TRANK1: variants seen among roughly 807,000 people sequenced by gnomAD.
The protein encoded by TRANK1 is tetratricopeptide repeat and ankyrin repeat containing 1.
TRANK1 carries 198 observed loss-of-function variants against 266.0 expected under a neutral mutation model. That is an observed-to-expected ratio of 0.74 (90% confidence interval 0.66 to 0.84). The LOEUF is 0.84. Among genes scored for constraint, TRANK1 ranks in the 40% least tolerant of loss-of-function variants. TRANK1 has a pLI of 0.00. For synonymous variants in TRANK1, 1,396 were observed against 1,384.1 expected, an observed-to-expected ratio of 1.01 and a Z score of -0.19; for missense variants, 3,326 against 3,634.6, an observed-to-expected ratio of 0.92 and a Z score of 2.18.
At chr3:36,889,783 A>G in intron 8 of TRANK1, 46 bp downstream of exon 8, 1 of 1,497,276 alleles carries the variant, frequency 6.7e-7, no homozygotes, top group South Asian at 1.3e-5. Flanking sequence ...TCAAAGCCTG[A>G]CACCAGCCAG....
At chr3:36,828,739 A>G (rs11129735) in intron 23 of TRANK1, among the ~76,000 whole-genome samples, 80,759 of 152,012 alleles carry the variant, frequency 0.53, 21,662 homozygotes, top group Admixed American at 0.6. Context: ...TTAAATAACA[A>G]AGAAATCAAG....
chr3:36,875,317 C>G (rs1306917861), intron 8 of TRANK1, among the ~76,000 whole-genome samples: 1 of 152,216 alleles, frequency 6.6e-6, no homozygotes, highest in Non-Finnish European at 1.5e-5. Context: ...ACAAGAAATT[C>G]TCCTCTGCTG....
chr3:36,874,435 T>A (rs1291819510), intron 8 of TRANK1, 139 bp from the exon 9 acceptor site: 1 of 880,740 alleles, frequency 1.1e-6, no homozygotes, highest in Non-Finnish European at 1.7e-6. Flanking sequence ...GAGCCTGCAC[T>A]GCTAGCCTCA....
intron 1 of TRANK1, among the ~76,000 whole-genome samples, chr3:36,933,751 G>A (rs2125665702): frequency 6.6e-6 from 1 of 152,354 alleles, no homozygotes; most frequent in Admixed American, 6.5e-5. Context: ...TTTACCCAGT[G>A]AGGAGAAAAT....
At chr3:36,840,705 A>C (rs2078832379) in intron 18 of TRANK1, among the ~76,000 whole-genome samples, 1 of 152,172 alleles carries the variant, frequency 6.6e-6, no homozygotes, top group Non-Finnish European at 1.5e-5. Flanking sequence ...CTGCTGGAGG[A>C]GGAAAGAAAT....
chr3:36,842,552 A>C (rs1347852289), intron 18 of TRANK1, 70 bp downstream of exon 18: 5 of 1,359,188 alleles, frequency 3.7e-6, no homozygotes, highest in Non-Finnish European at 5.2e-6. Context: ...AAACACCATG[A>C]TGTGAAACCT....
rs946802102 is a variant in TRANK1, at chr3:36,830,879, C to G, written c.8704G>C (p.Ala2902Pro). 6.2e-7 allele frequency: 1 copy of G among 1,602,268 alleles called. No homozygotes were observed. Among genetic ancestry groups the G allele is most frequent in the Non-Finnish European group, 8.5e-7 (1 of 1,172,218 alleles). Residue 2902 changes from alanine (A) to proline (P), a missense_variant, in exon 22 of 24, where the codon GCT (alanine) becomes CCT (proline). Ala to Pro is a conservative substitution (Grantham distance 27). Transcript: ENST00000645898. ...CATCTCTGCAGACCCTTACCGCCAG[C>G]CCAGGCCTTCCGCCTGTAGAGGTCC... ...VEDLYRRKAWAGAEEAMTRLV... is the reference protein window; with the variant it reads ...VEDLYRRKAWPGAEEAMTRLV...
At chr3:36,842,921 C>T (rs894255350) in intron 17 of TRANK1, among the ~76,000 whole-genome samples, 1 of 152,172 alleles carries the variant, frequency 6.6e-6, no homozygotes, top group African/African-American at 2.4e-5. Flanking sequence ...GATGGCCCCT[C>T]ATCCAATCTC....
chr3:36,845,743 G>T (rs551817374), intron 17 of TRANK1, among the ~76,000 whole-genome samples: 2 of 152,262 alleles, frequency 1.3e-5, no homozygotes, highest in Admixed American at 1.3e-4. Context: ...TCCCCTGAAA[G>T]AAATGAATTT....
intron 4 of TRANK1, among the ~76,000 whole-genome samples, chr3:36,896,417 T>A (rs1405183118): frequency 1.3e-5 from 2 of 152,210 alleles, no homozygotes; most frequent in Non-Finnish European, 2.9e-5. Context: ...AAAAAATAAG[T>A]AAATATCAAA....
At chr3:36,842,521 C>T (rs191629497) in intron 18 of TRANK1, 101 bp downstream of exon 18, 106 of 1,024,384 alleles carry the variant, frequency 1.0e-4, no homozygotes, top group African/African-American at 6.8e-4. Context: ...AGCACCATTA[C>T]GCTCATCCTT....
At position 36,855,786 on chromosome 3, in the gene TRANK1, C is replaced by A. The variant is rs191623295; in HGVS notation, c.3936G>T (p.Thr1312=). Residue 1312 remains threonine, a synonymous_variant, in exon 13 of 24, where the codon ACG becomes ACT. Coordinates refer to ENST00000645898, the MANE Select transcript of TRANK1 (RefSeq NM_001329998.2). The part of the protein sequence containing the change: ...SEEDKAVEMR[T]GDSDPRVYVT... ...CGTACACCCGGGGGTCACTGTCACC[C>A]GTACGCATTTCTACAGCTTTATCCT... The A allele has an allele frequency of 5.4e-4, 867 of 1,613,680 alleles. 4 individuals are homozygous for A. The African/African-American group carries it at 0.01, about 19-fold the overall frequency.
chr3:36,927,423 A>G (rs9816396), intron 1 of TRANK1, among the ~76,000 whole-genome samples: 3,408 of 152,318 alleles, frequency 0.022, 134 homozygotes, highest in African/African-American at 0.078. Context: ...GCCCTCCTGC[A>G]CAAATAACTT....
At chr3:36,842,315 T>C (rs150457130) in intron 18 of TRANK1, among the ~76,000 whole-genome samples, 230 of 152,346 alleles carry the variant, frequency 1.5e-3, no homozygotes, top group African/African-American at 5.4e-3. Context: ...CTTTTAGGCA[T>C]AGAGTACAGG....
chr3:36,867,836 T>C (rs748605299), intron 9 of TRANK1, among the ~76,000 whole-genome samples: 2 of 152,250 alleles, frequency 1.3e-5, no homozygotes, highest in Non-Finnish European at 2.9e-5. Flanking sequence ...CAACAGAATT[T>C]CATTATAACA....
At chr3:36,903,704 T>A (rs2079918143) in intron 2 of TRANK1, among the ~76,000 whole-genome samples, 1 of 152,088 alleles carries the variant, frequency 6.6e-6, no homozygotes, top group South Asian at 2.1e-4. Flanking sequence ...TCTGGGTGAG[T>A]ACGGCCCTGG....
At chr3:36,869,515 C>T (rs1379995010) in intron 9 of TRANK1, among the ~76,000 whole-genome samples, 1 of 152,252 alleles carries the variant, frequency 6.6e-6, no homozygotes, top group Non-Finnish European at 1.5e-5. Flanking sequence ...ATGTTAGGCA[C>T]AGATACAGCT....
chr3:36,916,794 G>GT (rs957252670), intron 1 of TRANK1, among the ~76,000 whole-genome samples: 11 of 150,322 alleles, frequency 7.3e-5, no homozygotes, highest in South Asian at 2.1e-4. Context: ...AAATGTATGG[G>GT]TTTTTTTTGT....
intron 1 of TRANK1, among the ~76,000 whole-genome samples, chr3:36,913,518 T>G (rs908531461): frequency 6.6e-6 from 1 of 151,950 alleles, no homozygotes; most frequent in Admixed American, 6.6e-5. Context: ...CTCTCTTTCT[T>G]TCTCTCTCTC....
Sources: allele counts gnomAD v4.1 joint callset (sites outside exome capture counted in the v4.1 genomes callset), GRCh38; gene constraint gnomAD v4.1.1; transcripts MANE v1.5; gene names NCBI Gene and HGNC (gene_info 2026-07-23, HGNC 2026-07-21).